TRIOBP: variants seen among roughly 807,000 people sequenced by gnomAD.
TRIOBP encodes TRIO and F-actin binding protein, also known as TRIO and F-actin-binding protein.
In TRIOBP, 169 loss-of-function variants were observed where a neutral mutation model predicts 238.8. The observed-to-expected ratio is 0.71, with a 90% CI of 0.62 to 0.80. The LOEUF (loss-of-function observed/expected upper bound fraction) is 0.80. TRIOBP is among the 30% of genes least tolerant of loss of function. The pLI, the probability that TRIOBP is intolerant of heterozygous loss-of-function variation, is 0.00. For missense variants in TRIOBP, 2,838 were observed against 3,122.6 expected (o/e 0.91, Z 2.17); for synonymous variants, 1,150 against 1,274.4 (o/e 0.90, Z 2.08).
intron 10 of TRIOBP, among the ~76,000 whole-genome samples, chr22:37,739,162 GA>G (rs1924819738): frequency 6.6e-6 from 1 of 152,112 alleles, no homozygotes; most frequent in Non-Finnish European, 1.5e-5. Flanking sequence ...AGGCGGGAGA[GA>G]TATGTGCGGG....
In TRIOBP at chr22:37,759,166, C is replaced by A. The variant is rs948727626; in HGVS notation, c.6226C>A (p.Arg2076=). ...EALEKEVQAL[R]AQLEAWRLQG... ...TTCTCCCTCGTAGGTTCAGGCTCTT[C>A]GGGCCCAGCTGGAGGCGTGGCGTCT... Residue 2076 remains arginine (R), a synonymous_variant, in exon 17 of 24, where the codon CGG becomes AGG. Coordinates refer to ENST00000644935, the MANE Select transcript of TRIOBP (RefSeq NM_001039141.3). 3.1e-6 allele frequency: 5 copies of A among 1,612,086 alleles called. No individual in the cohort carries two copies. Among genetic ancestry groups the A allele is most frequent in the Non-Finnish European group, 4.2e-6 (5 of 1,179,590 alleles).
chr22:37,754,148 G>A (rs1601655696), intron 12 of TRIOBP, among the ~76,000 whole-genome samples: 1 of 152,146 alleles, frequency 6.6e-6, no homozygotes, highest in African/African-American at 2.4e-5. Flanking sequence ...GGTGGCTCAC[G>A]CCTGTAATCC....
At chr22:37,749,436 C>A (rs1240787735) in intron 11 of TRIOBP, among the ~76,000 whole-genome samples, 2 of 152,076 alleles carry the variant, frequency 1.3e-5, no homozygotes, top group Non-Finnish European at 2.9e-5. Flanking sequence ...GTCCCGCCAG[C>A]CCGAGGGTGT....
At chr22:37,710,038 A>G (rs568445288) in intron 3 of TRIOBP, among the ~76,000 whole-genome samples, 177 of 152,316 alleles carry the variant, frequency 1.2e-3, no homozygotes, top group Non-Finnish European at 1.7e-3. Context: ...TCTGGGGCGC[A>G]CGCACATACA....
intron 6 of TRIOBP, among the ~76,000 whole-genome samples, chr22:37,719,354 A>G (rs1284460657): frequency 6.6e-6 from 1 of 152,048 alleles, no homozygotes; most frequent in African/African-American, 2.4e-5. Flanking sequence ...GTGTCTGGGT[A>G]GATGGTGTGC....
At position 37,715,893 on chromosome 22, in the gene TRIOBP, G is replaced by C. The variant is rs200786015; in HGVS notation, c.587G>C (p.Arg196Thr). ...CAAAGGGCTCCGTCTCTCCTCACCA[G>C]GTCCCCTGTGGGAGGAGATGCTGCA... Reference protein sequence around the residue: ...SSQRAPSLLTRSPVGGDAAGQ... With the variant: ...SSQRAPSLLTTSPVGGDAAGQ... The change falls in exon 6 of 24, where the codon AGG (arginine) becomes ACG (threonine). Residue 196 changes from arginine to threonine, a missense_variant. Arg to Thr is a moderately conservative substitution (Grantham distance 71, BLOSUM62 -1). This residue lies in a region of TRIOBP where 535 missense variants were observed against 537.3 expected (regional missense o/e 1.00). Transcript: ENST00000644935. 109 of 1,613,436 alleles carry C rather than the reference G, an allele frequency of 6.8e-5. No individual in the cohort carries two copies. The highest frequency in any genetic ancestry group is 8.6e-5 in the Non-Finnish European group (102 of 1,179,888).
chr22:37,717,551 G>A (rs1475230982), intron 6 of TRIOBP, among the ~76,000 whole-genome samples: 1 of 152,160 alleles, frequency 6.6e-6, no homozygotes, highest in Non-Finnish European at 1.5e-5. Flanking sequence ...CACTAGATTA[G>A]CTAGATACAG....
In TRIOBP at chr22:37,713,383, C is replaced by A. The variant is rs747437863; in HGVS notation, c.428C>A (p.Pro143His). 3 of 1,613,654 alleles carry A rather than the reference C, an allele frequency of 1.9e-6. No individual in the cohort carries two copies. Among genetic ancestry groups the A allele is most frequent in the Non-Finnish European group, 2.5e-6 (3 of 1,180,010 alleles). Residue 143 changes from proline (P) to histidine (H), a missense_variant, in exon 5 of 24, where the codon CCT becomes CAT. Physicochemically the swap from Pro to His is moderately conservative, Grantham distance 77. Coordinates refer to ENST00000644935, the MANE Select transcript of TRIOBP (RefSeq NM_001039141.3). ...DPTSSPDSAT[P>H]DDTSNSSSVD... ...ACCTCCAGCCCTGACTCCGCCACCC[C>A]TGATGATACCAGCAACTCGTCCTCT... is the stretch of plus-strand genomic sequence containing the variant.
rs757717377 is a variant in TRIOBP, at chr22:37,726,467, G to C, written c.3911G>C (p.Arg1304Pro). 4.5e-6 allele frequency: 7 copies of C among 1,550,116 alleles called. No homozygotes were observed. The highest frequency in any genetic ancestry group is 2.3e-5 in the South Asian group (2 of 85,202). Residue 1304 changes from arginine to proline, a missense_variant, in exon 7 of 24, where the codon CGT becomes CCT. By Grantham distance (103) the Arg-to-Pro change is moderately radical. Transcript: ENST00000644935. The stretch of plus-strand genomic sequence containing the variant: ...GGGGGCCGCACCCACAGCCCTGGCC[G>C]TGCAGAGGTGGAGCGCCTCTTCGGG... ...SSGGRTHSPG[R>P]AEVERLFGQE...
rs571954697 is a variant in TRIOBP, at chr22:37,735,172, G to T, written c.4836G>T (p.Glu1612Asp). 6.2e-7 allele frequency: 1 copy of T among 1,610,024 alleles called. No individual in the cohort carries two copies. The highest frequency in any genetic ancestry group is 1.1e-5 in the South Asian group (1 of 91,012). ...RDDLARALGP[E>D]LGPPGTNDVP... Reference sequence around the variant, plus strand: ...ACCTGGCCAGGGCTTTAGGGCCAGAGCTGGGTCCCCCAGGCACAAACGATG... The same window carrying T: ...ACCTGGCCAGGGCTTTAGGGCCAGATCTGGGTCCCCCAGGCACAAACGATG... Residue 1612 changes from glutamate (E) to aspartate (D), a missense_variant, in exon 9 of 24, where the codon GAG (glutamate) becomes GAT (aspartate). Physicochemically the swap from Glu to Asp is conservative, Grantham distance 45. Around this residue, in one of 5 missense-constraint regions of TRIOBP, gnomAD observed 2,096 missense variants for 2,137.4 expected, o/e 0.98. Coordinates refer to ENST00000644935, the MANE Select transcript of TRIOBP (RefSeq NM_001039141.3).
chr22:37,756,372 G>A (rs1052766383), intron 15 of TRIOBP, among the ~76,000 whole-genome samples: 1 of 152,176 alleles, frequency 6.6e-6, no homozygotes, highest in African/African-American at 2.4e-5. Flanking sequence ...TGAGCCCGGA[G>A]GCCGAGTCCC....
intron 11 of TRIOBP, chr22:37,746,432 A>T (rs1159764369): frequency 7.0e-7 from 1 of 1,422,342 alleles, no homozygotes; most frequent in South Asian, 1.3e-5. Context: ...TGAGTGCCCC[A>T]GTCAGCCGCC....
chr22:37,697,441 G>T (rs926891194), intron 1 of TRIOBP, 147 bp from the exon 2 acceptor site: 3 of 152,164 alleles, frequency 2.0e-5, no homozygotes, highest in African/African-American at 4.8e-5. Flanking sequence ...CAGGACGGGC[G>T]GGGCCGATGC....
chr22:37,756,785 G>GCTATGA (rs58392210), intron 15 of TRIOBP, among the ~76,000 whole-genome samples: 20,638 of 152,008 alleles, frequency 0.14, 3,559 homozygotes, highest in African/African-American at 0.4. Context: ...CACGTACCCA[G>GCTATGA]CTATGACTGT....
At chr22:37,761,798 A>T (rs875300) in intron 17 of TRIOBP, among the ~76,000 whole-genome samples, 1 of 149,684 alleles carries the variant, frequency 6.7e-6, no homozygotes, top group Non-Finnish European at 1.5e-5. Context: ...TGGGACGCAG[A>T]GGGTGAGGCT....
Position 37,734,979 on chromosome 22 carries a change from C to T in TRIOBP, c.4643C>T (p.Pro1548Leu), listed in dbSNP as rs78894866. The change falls in exon 9 of 24, where the codon CCG becomes CTG. Residue 1548 changes from proline to leucine, a missense_variant. Around this residue, in one of 5 missense-constraint regions of TRIOBP, gnomAD observed 2,096 missense variants for 2,137.4 expected, o/e 0.98. Coordinates refer to ENST00000644935, the MANE Select transcript of TRIOBP (RefSeq NM_001039141.3). ...GGGGCAGAGGGAGCGTGTCCATACC[C>T]GCGTGGCTCTGAGAGGCGACCCGAG... ...GWGAEGACPY[P>L]RGSERRPELD... 6.4e-4 allele frequency: 1,034 copies of T among 1,613,458 alleles called. 7 individuals carry two copies. The African/African-American group carries it at 0.013, about 20-fold the overall frequency.
chr22:37,754,760 C>T, intron 12 of TRIOBP, 117 bp from the exon 13 acceptor site: 1 of 1,000,314 alleles, frequency 1.0e-6, no homozygotes, highest in East Asian at 2.4e-5. Context: ...GGCCAGGTCT[C>T]AAATTGGCAT....
chr22:37,725,909 A>G lies in TRIOBP; in HGVS notation c.3353A>G (p.Asp1118Gly), dbSNP rs779088013. ...GCACCTGTGTGTATTGGGTACCGAG[A>G]TGCACCCCGGGCCTCCTCCCCACCA... ...LPAPVCIGYR[D>G]APRASSPPRQ... The change falls in exon 7 of 24, where the codon GAT (aspartate) becomes GGT (glycine). Residue 1118 changes from aspartate (D) to glycine (G), a missense_variant. Asp to Gly is a moderately conservative substitution (Grantham distance 94). This residue lies in a region of TRIOBP where 2,096 missense variants were observed against 2,137.4 expected (regional missense o/e 0.98). Transcript: ENST00000644935. 51 of 1,613,058 alleles carry G rather than the reference A, an allele frequency of 3.2e-5. No individual in the cohort carries two copies. Among genetic ancestry groups the G allele is most frequent in the Non-Finnish European group, 4.2e-5 (49 of 1,179,754 alleles).
chr22:37,713,497 G>A, intron 5 of TRIOBP, 86 bp downstream of exon 5: 1 of 1,518,960 alleles, frequency 6.6e-7, no homozygotes, highest in Non-Finnish European at 9.0e-7. Flanking sequence ...TCCAGGCCAG[G>A]GCTGAGCCTC....
Sources: allele counts gnomAD v4.1 joint callset (sites outside exome capture counted in the v4.1 genomes callset), GRCh38; gene constraint gnomAD v4.1.1; regional missense constraint gnomAD v4.1.1; transcripts MANE v1.5; gene names NCBI Gene and HGNC (gene_info 2026-07-23, HGNC 2026-07-21).